Variants in VAV2 observed in about 807,000 individuals in gnomAD.
VAV2 encodes vav guanine nucleotide exchange factor 2.
Under a neutral mutation model 132.5 loss-of-function variants are expected in VAV2, and 67 were observed. The ratio of observed to expected loss-of-function variants is 0.51; its 90% CI spans 0.42 to 0.62. The LOEUF (loss-of-function observed/expected upper bound fraction) is 0.62, where lower values mean the gene tolerates loss of function less well. Among genes scored for constraint, VAV2 ranks in the 20% least tolerant of loss-of-function variants. The probability of loss-of-function intolerance (pLI) is 0.00; values close to 1 mark genes in which losing one functional copy is unlikely to be tolerated. For synonymous variants in VAV2, 492 were observed against 443.5 expected (o/e 1.11, Z -1.37); for missense variants, 938 against 1,153.6 (o/e 0.81, Z 2.71).
chr9:133,989,859 G>A (rs902631043), intron 1 of VAV2, among the ~76,000 whole-genome samples: 4 of 152,222 alleles, frequency 2.6e-5, no homozygotes, highest in African/African-American at 7.2e-5. Context: ...ATCTGCAGCC[G>A]TCCCCGTGCA....
At chr9:133,782,327 T>C (rs555566961) in intron 19 of VAV2, among the ~76,000 whole-genome samples, 3 of 152,110 alleles carry the variant, frequency 2.0e-5, no homozygotes, top group African/African-American at 7.2e-5. Flanking sequence ...TCTGGGGACA[T>C]GCGACCACGA....
In VAV2 at chr9:133,912,788, A is replaced by T. The variant is rs1839929717; in HGVS notation, c.321+26315T>A. ...ATAAGTACTTGTTCAGCCCCTCTAAAATCACAATCGTCCTGTCCTCGTTCC... is the reference window on the plus strand; with the variant it reads ...ATAAGTACTTGTTCAGCCCCTCTAATATCACAATCGTCCTGTCCTCGTTCC... On this transcript the variant is annotated intron_variant, in intron 2 of 29. Transcript: ENST00000371850. This position sits in a 1 kb window ranked among gnomAD's most constrained non-coding sequence, Gnocchi z 4.3. Among the ~76,000 whole-genome samples the T allele has an allele frequency of 6.6e-6, 1 of 152,200 alleles. No homozygotes were observed. Among genetic ancestry groups the T allele is most frequent in the African/African-American group, 2.4e-5 (1 of 41,448 alleles).
At chr9:133,814,353 G>A (rs958386683) in intron 4 of VAV2, among the ~76,000 whole-genome samples, 3 of 152,250 alleles carry the variant, frequency 2.0e-5, no homozygotes, top group African/African-American at 7.2e-5. Context: ...AGTGACTGCA[G>A]GGGTTGTTCT....
At position 133,992,014 on chromosome 9, in the gene VAV2, C is replaced by T. The variant is rs563591366; in HGVS notation, c.204+61G>A. On this transcript the variant is annotated intron_variant, in intron 1 of 29. Transcript: ENST00000371850. This position sits in a 1 kb window ranked among gnomAD's most constrained non-coding sequence, Gnocchi z 5.5. ...CGCCGCTGCGACCTCCGCGTTCAGT[C>T]CGCGCGTCGGGCAGCGCGAACGCCG... 1 of 1,377,746 alleles carries T rather than the reference C, an allele frequency of 7.3e-7. No individual in the cohort carries two copies. The highest frequency in any genetic ancestry group is 3.3e-5 in the East Asian group (1 of 30,606). The allele number at this position is 1,377,746 out of a possible 1,614,324, so 85.3% of individuals were successfully genotyped here.
chr9:133,849,574 C>A (rs1186137729), intron 3 of VAV2, among the ~76,000 whole-genome samples: 3 of 152,192 alleles, frequency 2.0e-5, no homozygotes, highest in Non-Finnish European at 4.4e-5. Context: ...CAAGCACCAT[C>A]GAATGGGGGC....
intron 1 of VAV2, among the ~76,000 whole-genome samples, chr9:133,950,642 C>T (rs549628362): frequency 2.0e-5 from 3 of 152,286 alleles, no homozygotes; most frequent in Non-Finnish European, 2.9e-5. Flanking sequence ...AGCCGGCTTC[C>T]GAGTGCCGGA....
chr9:133,812,327 G>T, intron 4 of VAV2, 111 bp from the exon 5 acceptor site: 1 of 1,002,044 alleles, frequency 1.0e-6, no homozygotes. Context: ...GCCACAGCGA[G>T]GTCACCTGCC....
chr9:133,833,686 G>A lies in VAV2; in HGVS notation c.449+586C>T, dbSNP rs1054065702. Among the ~76,000 whole-genome samples, 2 of 152,154 alleles carry A rather than the reference G, an allele frequency of 1.3e-5. No individual in the cohort carries two copies. The highest frequency in any genetic ancestry group is 2.9e-5 in the Non-Finnish European group (2 of 68,000). Reference sequence around the variant, plus strand: ...GTCACAGATTCCCACGGTCCCGATGGGGCCCTGGTGCTGTGGCCAGGCTTG... The same window carrying A: ...GTCACAGATTCCCACGGTCCCGATGAGGCCCTGGTGCTGTGGCCAGGCTTG... On this transcript the variant is annotated intron_variant, in intron 4 of 29. Coordinates refer to ENST00000371850, the MANE Select transcript of VAV2 (RefSeq NM_001134398.2). The surrounding 1 kb of genome is among the most constrained non-coding windows in gnomAD (Gnocchi z 5.6).
intron 2 of VAV2, among the ~76,000 whole-genome samples, chr9:133,864,961 C>A (rs1490213616): frequency 1.3e-5 from 2 of 152,230 alleles, no homozygotes; most frequent in Non-Finnish European, 2.9e-5. Context: ...AGGTTGTAGG[C>A]CCATCAGCTG....
At chr9:133,986,435 T>C (rs1048753879) in intron 1 of VAV2, among the ~76,000 whole-genome samples, 2 of 152,194 alleles carry the variant, frequency 1.3e-5, no homozygotes, top group Non-Finnish European at 2.9e-5. Context: ...GAGGCTGCTC[T>C]ATGCTATGAA....
intron 2 of VAV2, among the ~76,000 whole-genome samples, chr9:133,868,998 C>CT (rs112644029): frequency 0.11 from 14,963 of 142,298 alleles, 827 homozygotes; most frequent in South Asian, 0.12. Context: ...TCTATTTATT[C>CT]TTTTTTTTTT....
chr9:133,778,963 C>G, intron 21 of VAV2, 74 bp from the exon 22 acceptor site: 1 of 1,570,572 alleles, frequency 6.4e-7, no homozygotes, highest in Non-Finnish European at 8.6e-7. Flanking sequence ...GGCCCGCAGC[C>G]CACCCCATCA....
chr9:133,904,998 G>A (rs1456471385), intron 2 of VAV2, among the ~76,000 whole-genome samples: 1 of 152,222 alleles, frequency 6.6e-6, no homozygotes, highest in Non-Finnish European at 1.5e-5. Flanking sequence ...GAAGGGAGAG[G>A]GTGCATCTTG....
rs578051287 is a variant in VAV2 at position 133,906,223 on chromosome 9, T to G, written c.321+32880A>C. Among the ~76,000 whole-genome samples, 6 of 152,286 alleles carry G rather than the reference T, an allele frequency of 3.9e-5. No individual in the cohort carries two copies. The South Asian group carries it at 1.2e-3, about 32-fold the overall frequency. On this transcript the variant is annotated intron_variant, in intron 2 of 29. Transcript: ENST00000371850. ...TCAAACATCCCTGCACACATCACCG[T>G]GTGCCTGCACTATCTGCCAGGGTCA... is the stretch of plus-strand genomic sequence containing the variant.
intron 2 of VAV2, among the ~76,000 whole-genome samples, chr9:133,886,698 C>G (rs1452068238): frequency 6.6e-6 from 1 of 152,212 alleles, no homozygotes; most frequent in Non-Finnish European, 1.5e-5. Context: ...CATTACACAC[C>G]CCGCCAAGAC....
chr9:133,977,226 G>A (rs759013010), intron 1 of VAV2, among the ~76,000 whole-genome samples: 6 of 152,248 alleles, frequency 3.9e-5, no homozygotes, highest in Non-Finnish European at 7.3e-5. Flanking sequence ...TCCAATGGGT[G>A]CCTGGTGTCC....
rs879688024 is a variant in VAV2, at chr9:133,912,221, C to T, written c.321+26882G>A. On this transcript the variant is annotated intron_variant, in intron 2 of 29. Coordinates refer to ENST00000371850, the MANE Select transcript of VAV2 (RefSeq NM_001134398.2). The surrounding 1 kb of genome is among the most constrained non-coding windows in gnomAD (Gnocchi z 4.3). ...ACACACGTGGGAGAAGGGCTGACAACCAGGAGTGTTTTAGTACAAAACAGA... is the reference window on the plus strand; with the variant it reads ...ACACACGTGGGAGAAGGGCTGACAATCAGGAGTGTTTTAGTACAAAACAGA... Among the ~76,000 whole-genome samples the T allele has an allele frequency of 3.3e-5, 5 of 152,178 alleles. No homozygotes were observed. Among genetic ancestry groups the T allele is most frequent in the Non-Finnish European group, 7.3e-5 (5 of 68,034 alleles).
intron 17 of VAV2, 134 bp from the exon 18 acceptor site, chr9:133,784,552 G>C (rs1339176698): frequency 1.1e-6 from 1 of 907,856 alleles, no homozygotes. Flanking sequence ...TCCAAGCCTG[G>C]CTCTGCCCGC....
rs889354367 is a variant in VAV2, at chr9:133,957,709, C to T, written c.205-18490G>A. Among the ~76,000 whole-genome samples, 9 of 152,278 alleles carry T rather than the reference C, an allele frequency of 5.9e-5. No homozygotes were observed. In the South Asian group the frequency reaches 1.9e-3, roughly 32 times the overall value. On this transcript the variant is annotated intron_variant, in intron 1 of 29. Transcript: ENST00000371850. Reference sequence around the variant, plus strand: ...CCTCAGCCGGGACACCCTGCCTGGGCCACTCCAAGTGACTGTCACAACCCG... The same window carrying T: ...CCTCAGCCGGGACACCCTGCCTGGGTCACTCCAAGTGACTGTCACAACCCG...
Sources: allele counts gnomAD v4.1 joint callset (sites outside exome capture counted in the v4.1 genomes callset), GRCh38; gene constraint gnomAD v4.1.1; non-coding constraint Gnocchi (gnomAD v3.1); transcripts MANE v1.5; gene names NCBI Gene and HGNC (gene_info 2026-07-23, HGNC 2026-07-21).